The following FAM184A variants were observed in gnomAD, a reference collection of about 807,000 sequenced individuals.
FAM184A encodes family with sequence similarity 184 member A, also known as protein FAM184A.
FAM184A carries 99 observed loss-of-function variants against 143.8 expected under a neutral mutation model. The observed-to-expected ratio is 0.69, with a 90% CI of 0.58 to 0.81. FAM184A has a LOEUF of 0.81. Ranked by LOEUF, FAM184A falls within the 40% of genes least tolerant of loss-of-function variation. The pLI, the probability that FAM184A is intolerant of heterozygous loss-of-function variation, is 0.00. For synonymous variants in FAM184A, 427 were observed against 446.4 expected (o/e 0.96, Z 0.55); for missense variants, 1,217 against 1,310.5 (o/e 0.93, Z 1.10).
chr6:119,130,153 G>T (rs866679054), intron 1 of FAM184A, among the ~76,000 whole-genome samples: 3 of 152,074 alleles, frequency 2.0e-5, no homozygotes, highest in South Asian at 4.1e-4. Flanking sequence ...TATTTTTCCA[G>T]TTGAACAACT....
At chr6:119,041,131 TA>T (rs1786312121) in intron 1 of FAM184A, among the ~76,000 whole-genome samples, 1 of 152,260 alleles carries the variant, frequency 6.6e-6, no homozygotes, top group South Asian at 2.1e-4. Flanking sequence ...AATAAGCTTC[TA>T]AGAAAAGACA....
rs565623128 is a variant in FAM184A at position 119,061,296 on chromosome 6, A to T, written c.159+16845T>A. Among the ~76,000 whole-genome samples, 3 of 152,248 alleles carry T rather than the reference A, an allele frequency of 2.0e-5. No individual in the cohort carries two copies. The South Asian group carries it at 6.2e-4, about 32-fold the overall frequency. ...AACTGTGTGAAAATGAGCTGTGTTC[A>T]CCTGCAAAGGCCACAGGAAAAGCAA... On this transcript the variant is annotated intron_variant, in intron 1 of 17. Coordinates refer to ENST00000338891, the MANE Select transcript of FAM184A (RefSeq NM_024581.6).
intron 1 of FAM184A, among the ~76,000 whole-genome samples, chr6:119,049,461 A>C (rs1377543491): frequency 3.9e-5 from 6 of 151,900 alleles, no homozygotes; most frequent in Non-Finnish European, 5.9e-5. Context: ...AAAATAAAAT[A>C]AAAACAAAAC....
At chr6:119,089,591 C>T (rs1311896936) in intron 1 of FAM184A, among the ~76,000 whole-genome samples, 1 of 152,192 alleles carries the variant, frequency 6.6e-6, no homozygotes. Flanking sequence ...GTGTGAGCCA[C>T]CATGCCCAGC....
At chr6:119,132,824 A>G (rs1187788189) in intron 1 of FAM184A, among the ~76,000 whole-genome samples, 1 of 152,236 alleles carries the variant, frequency 6.6e-6, no homozygotes, top group African/African-American at 2.4e-5. Context: ...GCTTTCAGGA[A>G]TATTAGATTT....
At chr6:118,990,597 G>A (rs1464487058) in intron 9 of FAM184A, among the ~76,000 whole-genome samples, 10 of 152,106 alleles carry the variant, frequency 6.6e-5, no homozygotes, top group African/African-American at 2.4e-4. Context: ...GGCACATGGT[G>A]GCTCACACCT....
chr6:119,007,954 C>T (rs1348637834), intron 6 of FAM184A, among the ~76,000 whole-genome samples: 1 of 149,686 alleles, frequency 6.7e-6, no homozygotes, highest in African/African-American at 2.4e-5. Flanking sequence ...AAAAAAAAAA[C>T]AGTATTCTAG....
At chr6:119,049,507 TAG>T (rs1786665241) in intron 1 of FAM184A, among the ~76,000 whole-genome samples, 1 of 151,998 alleles carries the variant, frequency 6.6e-6, no homozygotes, top group African/African-American at 2.4e-5. Context: ...TGGAACAGAA[TAG>T]AGAGTCCAGA....
chr6:119,041,804 C>G (rs560806333), intron 1 of FAM184A, among the ~76,000 whole-genome samples: 1 of 152,190 alleles, frequency 6.6e-6, no homozygotes, highest in Non-Finnish European at 1.5e-5. Context: ...TGGTCCTGCA[C>G]GGCTAAGTGC....
chr6:119,114,319 G>T (rs975927155), intron 1 of FAM184A, among the ~76,000 whole-genome samples: 1 of 152,068 alleles, frequency 6.6e-6, no homozygotes, highest in Admixed American at 6.6e-5. Context: ...GTTTTATTTG[G>T]CAACCCTCTA....
At chr6:119,026,654 A>G (rs561776145) in intron 1 of FAM184A, among the ~76,000 whole-genome samples, 2 of 152,278 alleles carry the variant, frequency 1.3e-5, no homozygotes, top group Admixed American at 1.3e-4. Flanking sequence ...GACACAACTG[A>G]CCGACGTTAA....
At chr6:118,960,280 C>T (rs1783277767) in intron 17 of FAM184A, 96 bp from the exon 18 acceptor site, 2 of 938,032 alleles carry the variant, frequency 2.1e-6, no homozygotes, top group Admixed American at 2.2e-5. Flanking sequence ...ATTACCACAA[C>T]GGGTTCCCCA....
At chr6:119,145,063 C>T (rs147797408) in intron 1 of FAM184A, among the ~76,000 whole-genome samples, 11 of 152,342 alleles carry the variant, frequency 7.2e-5, no homozygotes, top group East Asian at 5.8e-4. Context: ...ATGGCATGTC[C>T]AGTGCTTCCC....
At chr6:119,140,870 C>T (rs1016407575) in intron 1 of FAM184A, among the ~76,000 whole-genome samples, 32 of 152,220 alleles carry the variant, frequency 2.1e-4, no homozygotes, top group African/African-American at 7.0e-4. Context: ...TTTCTATTAA[C>T]GCTAGAATTG....
At chr6:119,020,916 G>A (rs985543126) in intron 3 of FAM184A, among the ~76,000 whole-genome samples, 2 of 152,172 alleles carry the variant, frequency 1.3e-5, no homozygotes, top group Admixed American at 6.5e-5. Context: ...GCAAGGTTAT[G>A]AAAGAATCTC....
chr6:119,025,761 A>G (rs1785611815), intron 1 of FAM184A, among the ~76,000 whole-genome samples: 2 of 152,224 alleles, frequency 1.3e-5, no homozygotes, highest in South Asian at 4.1e-4. Flanking sequence ...AGAAGTAAAC[A>G]CTGTACAATC....
At chr6:119,128,066 C>A (rs558860941) in intron 1 of FAM184A, among the ~76,000 whole-genome samples, 2 of 152,120 alleles carry the variant, frequency 1.3e-5, no homozygotes, top group Non-Finnish European at 2.9e-5. Context: ...CTCCTTATAA[C>A]CTCCTCCCTT....
rs76552601 is a variant in FAM184A at position 119,126,914 on chromosome 6, G to A, written c.-202+22164C>T. Among the ~76,000 whole-genome samples, 769 of 152,268 alleles carry A rather than the reference G, an allele frequency of 5.1e-3. 3 individuals carry two copies. The highest frequency in any genetic ancestry group is 8.7e-3 in the Non-Finnish European group (593 of 68,014). On this transcript the variant is annotated intron_variant, in intron 1 of 16. Coordinates refer to the FAM184A transcript ENST00000352896. Reference sequence around the variant, plus strand: ...CCCTGAAGTCTGGCTGTCTCTGGCCGGACTCTGAAGTCCCATCATCAAGCC... The same window carrying A: ...CCCTGAAGTCTGGCTGTCTCTGGCCAGACTCTGAAGTCCCATCATCAAGCC...
chr6:119,070,728 A>G (rs1342876680), intron 1 of FAM184A, among the ~76,000 whole-genome samples: 1 of 152,154 alleles, frequency 6.6e-6, no homozygotes, highest in African/African-American at 2.4e-5. Context: ...ATCTCCAAAA[A>G]AGGGACATGG....
Sources: gnomAD v4.1 joint callset for allele counts (sites outside exome capture counted in the v4.1 genomes callset) on GRCh38, gnomAD v4.1.1 for gene constraint, MANE v1.5 for transcripts, NCBI Gene and HGNC (gene_info 2026-07-23, HGNC 2026-07-21) for gene names.